Variants in CNNM2 observed in about 807,000 individuals in gnomAD.
The protein encoded by CNNM2 is metal transporter CNNM2.
In CNNM2, 12 loss-of-function variants were observed where a neutral mutation model predicts 66.9. The ratio of observed to expected loss-of-function variants is 0.18; its 90% CI spans 0.11 to 0.29. The LOEUF is 0.29. Ranked by LOEUF, CNNM2 falls within the 10% of genes least tolerant of loss-of-function variation. The probability of loss-of-function intolerance (pLI) is 1.00; values close to 1 mark genes in which losing one functional copy is unlikely to be tolerated. For synonymous variants in CNNM2, 557 were observed against 501.8 expected (o/e 1.11, Z -1.47); for missense variants, 705 against 1,167.7 (o/e 0.60, Z 5.77).
intron 4 of CNNM2, among the ~76,000 whole-genome samples, chr10:103,064,934 G>C (rs1398102677): frequency 6.6e-6 from 1 of 152,188 alleles, no homozygotes; most frequent in African/African-American, 2.4e-5. Context: ...ATCTGTCTCT[G>C]TAGAGGTGCG....
At chr10:103,034,972 CAAAA>C (rs71019651) in intron 1 of CNNM2, among the ~76,000 whole-genome samples, 1 of 71,132 alleles carries the variant, frequency 1.4e-5, no homozygotes, top group African/African-American at 6.1e-5. Context: ...GACTCCGTCT[CAAAA>C]AAAAAAAAAA....
intron 6 of CNNM2, among the ~76,000 whole-genome samples, chr10:103,074,563 T>C (rs896677779): frequency 6.6e-6 from 1 of 151,884 alleles, no homozygotes; most frequent in Admixed American, 6.5e-5. Context: ...CCAGGCACGG[T>C]GGCTCACGCC....
intron 1 of CNNM2, among the ~76,000 whole-genome samples, chr10:102,945,831 AT>A (rs1387812487): frequency 6.6e-6 from 1 of 151,544 alleles, no homozygotes; most frequent in Non-Finnish European, 1.5e-5. Context: ...GTTGTTTACA[AT>A]TTCTTCTCGC....
At chr10:103,032,329 T>C (rs2064842163) in intron 1 of CNNM2, among the ~76,000 whole-genome samples, 1 of 151,966 alleles carries the variant, frequency 6.6e-6, no homozygotes, top group Admixed American at 6.6e-5. Flanking sequence ...TGCACATCTG[T>C]AATTCCAGCT....
intron 1 of CNNM2, among the ~76,000 whole-genome samples, chr10:103,029,250 T>TC (rs2064774525): frequency 6.8e-6 from 1 of 147,900 alleles, no homozygotes; most frequent in African/African-American, 2.5e-5. Context: ...GATCACCTGG[T>TC]CAGGAGTTCA....
chr10:102,940,697 T>C (rs914514488), intron 1 of CNNM2, among the ~76,000 whole-genome samples: 5 of 150,966 alleles, frequency 3.3e-5, no homozygotes, highest in African/African-American at 4.9e-5. Flanking sequence ...GGATTACAGG[T>C]GTGAGCCACC....
At chr10:102,976,576 G>A (rs1210169438) in intron 1 of CNNM2, among the ~76,000 whole-genome samples, 1 of 142,536 alleles carries the variant, frequency 7.0e-6, no homozygotes, top group Non-Finnish European at 1.5e-5. Flanking sequence ...CTCATGAGTA[G>A]CTGGAATTAC....
intron 1 of CNNM2, among the ~76,000 whole-genome samples, chr10:102,946,486 A>G (rs557585688): frequency 6.6e-6 from 1 of 152,314 alleles, no homozygotes; most frequent in East Asian, 1.9e-4. Flanking sequence ...TATTGACAGA[A>G]AAGTCTCTCA....
chr10:102,929,009 C>A (rs560588325), intron 1 of CNNM2, among the ~76,000 whole-genome samples: 175 of 152,284 alleles, frequency 1.1e-3, no homozygotes, highest in Non-Finnish European at 2.2e-3. Context: ...CCTGTAATCC[C>A]AGCACTTTGG....
chr10:103,071,857 C>A lies in CNNM2; in HGVS notation c.2233+18C>A. ...TTCTCCAGGTAATTCTGCATGCTTCCTTTCCGTAATTCTCCTGATTGCCTT... is the reference window on the plus strand; with the variant it reads ...TTCTCCAGGTAATTCTGCATGCTTCATTTCCGTAATTCTCCTGATTGCCTT... On this transcript the variant is annotated intron_variant, in intron 6 of 7. Coordinates refer to ENST00000369878, the MANE Select transcript of CNNM2 (RefSeq NM_017649.5). 1.2e-6 allele frequency: 2 copies of A among 1,611,406 alleles called. No homozygotes were observed. Among genetic ancestry groups the A allele is most frequent in the African/African-American group, 1.3e-5 (1 of 75,002 alleles).
At chr10:103,050,029 A>T (rs1185399862) in intron 2 of CNNM2, among the ~76,000 whole-genome samples, 179 bp downstream of exon 2, 2 of 152,180 alleles carry the variant, frequency 1.3e-5, no homozygotes, top group Non-Finnish European at 1.5e-5. Context: ...CAGACCCTGT[A>T]ATGTCAAGCG....
intron 1 of CNNM2, among the ~76,000 whole-genome samples, chr10:102,944,979 G>GTTTTTTT (rs111973848): frequency 1.4e-5 from 2 of 140,650 alleles, no homozygotes. Flanking sequence ...TTTGTTTTTT[G>GTTTTTTT]TTTTTTTTTT....
chr10:103,058,959 GT>G (rs950073836), intron 4 of CNNM2, among the ~76,000 whole-genome samples: 31 of 151,610 alleles, frequency 2.0e-4, no homozygotes, highest in African/African-American at 7.5e-4. Context: ...GAGTTTGTTT[GT>G]TTTTTTGTTT....
chr10:102,985,475 G>C (rs553961778), intron 1 of CNNM2, among the ~76,000 whole-genome samples: 3 of 152,240 alleles, frequency 2.0e-5, no homozygotes, highest in Non-Finnish European at 4.4e-5. Flanking sequence ...CTAGATACAG[G>C]AAGTGTTTAT....
chr10:102,956,550 G>A (rs938029500), intron 1 of CNNM2, among the ~76,000 whole-genome samples: 1 of 152,148 alleles, frequency 6.6e-6, no homozygotes, highest in Non-Finnish European at 1.5e-5. Flanking sequence ...ATTCACAATA[G>A]CAAAGACTTG....
intron 1 of CNNM2, among the ~76,000 whole-genome samples, chr10:103,002,358 G>T (rs758298990): frequency 6.6e-6 from 1 of 152,090 alleles, no homozygotes. Context: ...CAATAAGCAC[G>T]TGAAAAGATG....
chr10:102,999,684 T>C (rs1235960500), intron 1 of CNNM2, among the ~76,000 whole-genome samples: 1 of 152,176 alleles, frequency 6.6e-6, no homozygotes, highest in Middle Eastern at 3.4e-3. Context: ...GGTTGGCATA[T>C]TGATCCCAAA....
chr10:103,040,091 T>TGG (rs1474830664), intron 1 of CNNM2, among the ~76,000 whole-genome samples: 1 of 151,890 alleles, frequency 6.6e-6, no homozygotes, highest in African/African-American at 2.4e-5. Flanking sequence ...CACTTGAACC[T>TGG]GGGAGGTAGA....
Position 103,019,055 on chromosome 10 carries a change from C to T in CNNM2, c.1622-30652C>T, listed in dbSNP as rs113970872. On this transcript the variant is annotated intron_variant, in intron 1 of 7. Coordinates refer to ENST00000369878, the MANE Select transcript of CNNM2 (RefSeq NM_017649.5). ...GGCTGAGGCAGGCAGATCACTTGAG[C>T]CCAGGAGTTAGAGACCAGCCTGGGC... Among the ~76,000 whole-genome samples, 14,289 of 151,220 alleles carry T rather than the reference C, an allele frequency of 0.094. 873 individuals are homozygous for T. The highest frequency in any genetic ancestry group is 0.28 in the East Asian group (1,398 of 5,046).
Sources: allele counts gnomAD v4.1 joint callset (sites outside exome capture counted in the v4.1 genomes callset), GRCh38; gene constraint gnomAD v4.1.1; transcripts MANE v1.5; gene names NCBI Gene and HGNC (gene_info 2026-07-23, HGNC 2026-07-21).